The following HACD2 variants were observed in gnomAD, a reference collection of about 807,000 sequenced individuals.
HACD2 encodes very-long-chain (3R)-3-hydroxyacyl-CoA dehydratase 2.
Under a neutral mutation model 31.0 loss-of-function variants are expected in HACD2, and 15 were observed. The ratio of observed to expected loss-of-function variants is 0.48; its 90% confidence interval spans 0.32 to 0.75. The LOEUF is 0.75. Among genes scored for constraint, HACD2 ranks in the 30% least tolerant of loss-of-function variants. The pLI is 0.03. For synonymous variants in HACD2, 115 were observed against 122.2 expected (o/e 0.94, Z 0.39); for missense variants, 283 against 313.0 (o/e 0.90, Z 0.72).
chr3:123,581,633 G>A (rs1335742439), intron 2 of HACD2, among the ~76,000 whole-genome samples: 1 of 152,168 alleles, frequency 6.6e-6, no homozygotes, highest in Non-Finnish European at 1.5e-5. Flanking sequence ...TCCTGTATCT[G>A]TATCAACTAC....
rs1353935057 is a variant in HACD2, at chr3:123,564,041, C to T, written c.292+3721G>A. Reference sequence around the variant, plus strand: ...TGAATTGACAAAACCTGATGACTGCCTGGCTACAGGCATGCCGGTGAGAGA... The same window carrying T: ...TGAATTGACAAAACCTGATGACTGCTTGGCTACAGGCATGCCGGTGAGAGA... On this transcript the variant is annotated intron_variant, in intron 3 of 6. Coordinates refer to ENST00000383657, the MANE Select transcript of HACD2 (RefSeq NM_198402.5). 2.0e-5 allele frequency among the ~76,000 whole-genome samples: 3 copies of T among 152,224 alleles called. No homozygotes were observed. In the East Asian group the frequency reaches 5.8e-4, roughly 29 times the overall value.
chr3:123,514,622 C>T (rs759895002), intron 4 of HACD2, among the ~76,000 whole-genome samples: 1 of 152,122 alleles, frequency 6.6e-6, no homozygotes, highest in Non-Finnish European at 1.5e-5. Context: ...TGGAAGGTAA[C>T]TTGAGAGGGA....
Position 123,584,980 on chromosome 3 carries a change from G to A in HACD2, c.48C>T (p.Gly16=). The A allele has an allele frequency of 1.4e-6, 2 of 1,398,832 alleles. No homozygotes were observed. The highest frequency in any genetic ancestry group is 1.5e-5 in the African/African-American group (1 of 68,352). The allele number at this position is 1,398,832 out of a possible 1,614,324, so 86.7% of individuals were successfully genotyped here. A position where few individuals can be genotyped will look rare whatever the true frequency, so the allele number is the denominator to read the frequency against. The change falls in exon 1 of 7, where the codon GGC becomes GGT. Residue 16 remains glycine (G), a synonymous_variant. Coordinates refer to ENST00000383657, the MANE Select transcript of HACD2 (RefSeq NM_198402.5). ...CGTCCCCGGCCCCGGCCCTGCCACC[G>A]CCGCCCCCATTCCCCTTCGCTGCTG... ...ATAAAKGNGG[G]GGRAGAGDAS...
chr3:123,553,705 C>T (rs907833165), intron 3 of HACD2, among the ~76,000 whole-genome samples: 13 of 152,316 alleles, frequency 8.5e-5, no homozygotes, highest in African/African-American at 1.9e-4. Flanking sequence ...TTCATCTAGA[C>T]GCACATGTGT....
At chr3:123,553,871 T>C (rs2056645293) in intron 3 of HACD2, among the ~76,000 whole-genome samples, 1 of 151,894 alleles carries the variant, frequency 6.6e-6, no homozygotes. Flanking sequence ...ACAAACTTAC[T>C]AGCTTGTGAG....
At chr3:123,529,761 T>A (rs2056329128) in intron 3 of HACD2, among the ~76,000 whole-genome samples, 2 of 152,040 alleles carry the variant, frequency 1.3e-5, no homozygotes, top group South Asian at 4.2e-4. Context: ...AATACATAAA[T>A]AAATGTATAA....
At position 123,494,689 on chromosome 3, in the gene HACD2, A is replaced by G; in HGVS notation, c.*199T>C. On this transcript the variant is annotated 3_prime_UTR_variant, in exon 7 of 7. Coordinates refer to ENST00000383657, the MANE Select transcript of HACD2 (RefSeq NM_198402.5). Reference sequence around the variant, plus strand: ...AAGAGCATGCTGAAATGAACTGGCCAGGGTGTTTTATGTAACAACCTTTTT... The same window carrying G: ...AAGAGCATGCTGAAATGAACTGGCCGGGGTGTTTTATGTAACAACCTTTTT... 1 of 595,630 alleles carries G rather than the reference A, an allele frequency of 1.7e-6. No homozygotes were observed. 36.9% of individuals were successfully genotyped at this position (595,630 alleles called of 1,614,324 possible).
chr3:123,509,604 TTCTCCTGCCTCA>T (rs2056026567), intron 4 of HACD2, among the ~76,000 whole-genome samples: 1 of 151,534 alleles, frequency 6.6e-6, no homozygotes, highest in Non-Finnish European at 1.5e-5. Context: ...GTTCACGCCA[TTCTCCTGCCTCA>T]GCCTCCTGAG....
At chr3:123,534,269 C>A (rs996787936) in intron 3 of HACD2, among the ~76,000 whole-genome samples, 6 of 152,062 alleles carry the variant, frequency 3.9e-5, no homozygotes, top group Non-Finnish European at 8.8e-5. Flanking sequence ...CAGTCATGCA[C>A]CACACAATGG....
chr3:123,516,535 G>T (rs1244333398), intron 4 of HACD2, among the ~76,000 whole-genome samples: 2 of 151,896 alleles, frequency 1.3e-5, no homozygotes, highest in Non-Finnish European at 2.9e-5. Flanking sequence ...TACCCGGCCA[G>T]ATTTTTAAAA....
intron 4 of HACD2, among the ~76,000 whole-genome samples, chr3:123,525,276 G>A (rs1159928374): frequency 1.3e-5 from 2 of 152,166 alleles, no homozygotes; most frequent in Non-Finnish European, 1.5e-5. Context: ...AAAAGCATGT[G>A]AGCATACGGA....
intron 4 of HACD2, among the ~76,000 whole-genome samples, chr3:123,508,774 G>C (rs1289185221): frequency 6.6e-6 from 1 of 152,172 alleles, no homozygotes; most frequent in Admixed American, 6.5e-5. Context: ...TGCCATAACA[G>C]AACACCATAG....
chr3:123,529,224 C>A (rs1274888499), intron 3 of HACD2, among the ~76,000 whole-genome samples: 4 of 152,150 alleles, frequency 2.6e-5, no homozygotes, highest in Admixed American at 2.0e-4. Flanking sequence ...CCTCAGCCTC[C>A]CAAGTAGCTG....
chr3:123,524,870 C>T (rs1430758924), intron 4 of HACD2, among the ~76,000 whole-genome samples: 1 of 152,118 alleles, frequency 6.6e-6, no homozygotes, highest in East Asian at 1.9e-4. Context: ...CCTGACTCTG[C>T]CATTTATTGG....
At chr3:123,562,248 A>C (rs1216254512) in intron 3 of HACD2, among the ~76,000 whole-genome samples, 1 of 152,144 alleles carries the variant, frequency 6.6e-6, no homozygotes, top group Non-Finnish European at 1.5e-5. Context: ...CAAACCACCT[A>C]CTTTGAAAAA....
At chr3:123,537,704 A>G (rs1158786423) in intron 3 of HACD2, among the ~76,000 whole-genome samples, 3 of 152,010 alleles carry the variant, frequency 2.0e-5, no homozygotes, top group Non-Finnish European at 4.4e-5. Context: ...CTGTCTGCCT[A>G]CTTTTTCTTT....
chr3:123,538,864 C>A (rs2056456139), intron 3 of HACD2, among the ~76,000 whole-genome samples: 1 of 152,098 alleles, frequency 6.6e-6, no homozygotes, highest in African/African-American at 2.4e-5. Context: ...AAATGAGAGC[C>A]AATTATATCA....
chr3:123,522,025 G>GA (rs1201944320), intron 4 of HACD2, among the ~76,000 whole-genome samples: 2 of 152,170 alleles, frequency 1.3e-5, no homozygotes, highest in Non-Finnish European at 2.9e-5. Context: ...GCCCACTCTT[G>GA]GCCGGTGTGG....
intron 2 of HACD2, among the ~76,000 whole-genome samples, chr3:123,575,305 C>T (rs2056896584): frequency 1.3e-5 from 2 of 152,008 alleles, no homozygotes; most frequent in Non-Finnish European, 2.9e-5. Flanking sequence ...TTTGCAGAGG[C>T]GAGGTCTTGC....
Sources: allele counts gnomAD v4.1 joint callset (sites outside exome capture counted in the v4.1 genomes callset), GRCh38; gene constraint gnomAD v4.1.1; transcripts MANE v1.5; gene names NCBI Gene and HGNC (gene_info 2026-07-23, HGNC 2026-07-21).